The following OVCH1 variants were observed in gnomAD, a reference collection of about 807,000 sequenced individuals.
OVCH1 encodes the protein ovochymase-1.
OVCH1 carries 139 observed loss-of-function variants against 138.4 expected under a neutral mutation model. The ratio of observed to expected loss-of-function variants is 1.00; its 90% CI spans 0.87 to 1.16. The LOEUF (loss-of-function observed/expected upper bound fraction) is 1.16, where lower values mean the gene tolerates loss of function less well. OVCH1 is among the 50% of genes most tolerant of loss of function. OVCH1 has a pLI of 0.00. For synonymous variants in OVCH1, 453 were observed against 467.8 expected, an observed-to-expected ratio of 0.97 and a Z score of 0.41; for missense variants, 1,367 against 1,357.9, an observed-to-expected ratio of 1.01 and a Z score of -0.11.
chr12:29,470,679 A>G (rs1392390243), intron 16 of OVCH1, among the ~76,000 whole-genome samples: 2 of 152,266 alleles, frequency 1.3e-5, no homozygotes, highest in African/African-American at 4.8e-5. Context: ...CAATAAACAT[A>G]TGTGTGCATG....
At chr12:29,489,928 A>T (rs1447037014) in intron 5 of OVCH1, among the ~76,000 whole-genome samples, 157 bp from the exon 6 acceptor site, 1 of 152,150 alleles carries the variant, frequency 6.6e-6, no homozygotes, top group Non-Finnish European at 1.5e-5. Context: ...AAAATCAGAT[A>T]TGTGGCAGAG....
In OVCH1 at chr12:29,481,736, A is replaced by T. The variant is rs182058785; in HGVS notation, c.996-2828T>A. ...TAAGCACAGTTGAGTCTACTTTATCAAAACAAAGTGCCTCTCTTGACCCTA... is the reference window on the plus strand; with the variant it reads ...TAAGCACAGTTGAGTCTACTTTATCTAAACAAAGTGCCTCTCTTGACCCTA... On this transcript the variant is annotated intron_variant, in intron 8 of 27. Coordinates refer to ENST00000318184, the Ensembl canonical transcript of OVCH1. Among the ~76,000 whole-genome samples, 7 of 152,306 alleles carry T rather than the reference A, an allele frequency of 4.6e-5. No individual in the cohort carries two copies. In the South Asian group the frequency reaches 6.2e-4, roughly 14 times the overall value.
intron 4 of OVCH1, among the ~76,000 whole-genome samples, chr12:29,492,793 C>T (rs1943306902): frequency 6.6e-6 from 1 of 152,036 alleles, no homozygotes. Context: ...AGGGCTGAGC[C>T]TGGGGCACTC....
In OVCH1 at chr12:29,473,035, G is replaced by C. The variant is rs35183403; in HGVS notation, c.1669C>G (p.Leu557Val). 4.7e-3 allele frequency: 7,562 copies of C among 1,609,016 alleles called. 294 individuals are homozygous for C. In the African/African-American group the frequency reaches 0.09, roughly 19 times the overall value. ...TAACATGTCACCAACTCACCATGCA[G>C]AATAGCTTTTACGGTAGATACAGGA... Residue 557 changes from leucine to valine, a missense_variant, in exon 15 of 28, where the codon CTG becomes GTG. Transcript: ENST00000318184.
At chr12:29,477,294 C>T in intron 11 of OVCH1, 47 bp downstream of exon 11, 1 of 1,613,394 alleles carries the variant, frequency 6.2e-7, no homozygotes. Context: ...TCTTCCCCAC[C>T]CACATCAAGG....
intron 3 of OVCH1, among the ~76,000 whole-genome samples, chr12:29,417,523 T>C (rs1941047251): frequency 6.6e-6 from 1 of 151,050 alleles, no homozygotes; most frequent in Admixed American, 6.6e-5. Context: ...GATAGAAATG[T>C]TCTATATCTT....
rs565346548 is a variant in OVCH1, at chr12:29,450,933, G to A, written c.2755+412C>T. 1.8e-4 allele frequency among the ~76,000 whole-genome samples: 26 copies of A among 147,306 alleles called. 1 individual carries two copies. Among genetic ancestry groups the A allele is most frequent in the Middle Eastern group, 3.4e-3 (1 of 290 alleles). On this transcript the variant is annotated intron_variant, in intron 22 of 27. Coordinates refer to ENST00000318184, the Ensembl canonical transcript of OVCH1. Reference sequence around the variant, plus strand: ...ACACAAGAACAGAAAACCAAACACCGCATGTTCTCACTCATAAGTGGGAGT... The same window carrying A: ...ACACAAGAACAGAAAACCAAACACCACATGTTCTCACTCATAAGTGGGAGT...
At chr12:29,474,952 G>C in intron 14 of OVCH1, 109 bp downstream of exon 14, 1 of 1,243,676 alleles carries the variant, frequency 8.0e-7, no homozygotes, top group Non-Finnish European at 1.1e-6. Context: ...TTTTTGTTAT[G>C]CTTACCAAGG....
intron 3 of OVCH1, among the ~76,000 whole-genome samples, chr12:29,421,260 G>A (rs976148266): frequency 2.6e-5 from 4 of 152,188 alleles, no homozygotes; most frequent in African/African-American, 7.2e-5. Flanking sequence ...GGAATGCTAC[G>A]TTTGTCTTGG....
At chr12:29,421,249 T>C (rs1345256670) in intron 3 of OVCH1, among the ~76,000 whole-genome samples, 8 of 152,268 alleles carry the variant, frequency 5.3e-5, no homozygotes, top group Admixed American at 3.3e-4. Flanking sequence ...GGTCAACAGC[T>C]GGAATGCTAC....
chr12:29,454,012 T>G (rs2135950005), intron 21 of OVCH1, among the ~76,000 whole-genome samples: 1 of 152,284 alleles, frequency 6.6e-6, no homozygotes, highest in East Asian at 1.9e-4. Flanking sequence ...TTTGTTCATC[T>G]GCTAAGAAAA....
intron 26 of OVCH1, among the ~76,000 whole-genome samples, chr12:29,436,031 T>A (rs576597555): frequency 6.6e-6 from 1 of 152,296 alleles, no homozygotes; most frequent in South Asian, 2.1e-4. Flanking sequence ...TTAAACAAAT[T>A]TGAATTATAT....
At chr12:29,459,534 C>T (rs768169645) in intron 19 of OVCH1, among the ~76,000 whole-genome samples, 1 of 151,516 alleles carries the variant, frequency 6.6e-6, no homozygotes, top group Non-Finnish European at 1.5e-5. Context: ...TTAATGGGTA[C>T]AAAAAAATAG....
intron 16 of OVCH1, among the ~76,000 whole-genome samples, chr12:29,466,585 A>G (rs1942328908): frequency 6.6e-6 from 1 of 152,186 alleles, no homozygotes; most frequent in Non-Finnish European, 1.5e-5. Flanking sequence ...AATGCTGATT[A>G]CTTTTAGGGG....
At chr12:29,425,751 T>A (rs115435923), downstream of OVCH1, among the ~76,000 whole-genome samples, 1,178 of 152,306 alleles carry the variant, frequency 7.7e-3, 14 homozygotes, top group African/African-American at 0.027. Context: ...AATGCCTGGA[T>A]AATGGTAAAT....
rs575764830 is a variant in OVCH1 at position 29,467,339 on chromosome 12, CAGCAAAT to C, written c.1857-2127_1857-2121del. Among the ~76,000 whole-genome samples the C allele has an allele frequency of 5.9e-5, 9 of 152,248 alleles. No individual in the cohort carries two copies. The East Asian group carries it at 1.7e-3, about 29-fold the overall frequency. Reference sequence around the variant, plus strand: ...TCTCATGATGTTTTACATGTACAGTCAGCAAATATCCTTCAGTTTAATGGAGAACACT... The same window carrying C: ...TCTCATGATGTTTTACATGTACAGTCATCCTTCAGTTTAATGGAGAACACT... On this transcript the variant is annotated intron_variant, in intron 16 of 27. Coordinates refer to ENST00000318184, the Ensembl canonical transcript of OVCH1.
chr12:29,444,607 A>G (rs1941566324), intron 23 of OVCH1, among the ~76,000 whole-genome samples: 1 of 152,112 alleles, frequency 6.6e-6, no homozygotes, highest in African/African-American at 2.4e-5. Context: ...GAAAACTTTC[A>G]TATGATATAA....
At chr12:29,420,055 C>T (rs549394682) in intron 3 of OVCH1, among the ~76,000 whole-genome samples, 1 of 152,274 alleles carries the variant, frequency 6.6e-6, no homozygotes, top group Admixed American at 6.5e-5. Context: ...TATATTTAAT[C>T]ATTTGGCTAT....
At chr12:29,478,394 T>G (rs1039308470) in intron 9 of OVCH1, among the ~76,000 whole-genome samples, 1 of 152,192 alleles carries the variant, frequency 6.6e-6, no homozygotes, top group East Asian at 1.9e-4. Flanking sequence ...TTGGTAAACA[T>G]GTACCCACTT....
Sources: allele counts gnomAD v4.1 joint callset (sites outside exome capture counted in the v4.1 genomes callset), GRCh38; gene constraint gnomAD v4.1.1; transcripts MANE v1.5; gene names NCBI Gene and HGNC (gene_info 2026-07-23, HGNC 2026-07-21).